Variants in DSC3 observed in about 807,000 individuals in gnomAD.
The protein encoded by DSC3 is desmocollin-3.
In DSC3, 97 loss-of-function variants were observed where a neutral mutation model predicts 89.5. The observed-to-expected ratio is 1.08, with a 90% CI of 0.92 to 1.28. The LOEUF is 1.28. Among genes scored for constraint, DSC3 ranks in the 50% most tolerant of loss-of-function variants. The pLI is 0.00. For synonymous variants in DSC3, 436 were observed against 384.1 expected (o/e 1.14, Z -1.58); for missense variants, 1,199 against 1,085.3 (o/e 1.10, Z -1.47).
At chr18:31,007,428 T>C (rs1009533982) in intron 11 of DSC3, among the ~76,000 whole-genome samples, 2 of 152,276 alleles carry the variant, frequency 1.3e-5, no homozygotes, top group Middle Eastern at 3.4e-3. Flanking sequence ...AGGTGCCACA[T>C]GTTAGTAAGC....
chr18:31,013,975 T>C (rs1985153360), intron 9 of DSC3, among the ~76,000 whole-genome samples: 1 of 152,162 alleles, frequency 6.6e-6, no homozygotes, highest in Non-Finnish European at 1.5e-5. Flanking sequence ...TCCATTGATA[T>C]GGCCTAAATT....
At chr18:31,004,435 C>T (rs902246847) in intron 12 of DSC3, 69 bp from the exon 13 acceptor site, 3 of 1,450,104 alleles carry the variant, frequency 2.1e-6, no homozygotes, top group African/African-American at 1.4e-5. Context: ...TGTTTCATCA[C>T]GCTTGTTTTT....
At chr18:31,040,574 G>A (rs1287377469) in intron 1 of DSC3, among the ~76,000 whole-genome samples, 1 of 152,098 alleles carries the variant, frequency 6.6e-6, no homozygotes, top group African/African-American at 2.4e-5. Context: ...ACGGTGGGAA[G>A]GAGATACAGG....
At chr18:31,029,106 A>G (rs115237731) in intron 4 of DSC3, among the ~76,000 whole-genome samples, 1,831 of 152,258 alleles carry the variant, frequency 0.012, 37 homozygotes, top group African/African-American at 0.042. Flanking sequence ...AAATCACCCA[A>G]CATCTCTATA....
chr18:31,021,069 A>G (rs1252402707), intron 7 of DSC3, among the ~76,000 whole-genome samples: 1 of 138,740 alleles, frequency 7.2e-6, no homozygotes, highest in South Asian at 2.4e-4. Context: ...TTTTTTTTTT[A>G]TCTCCCATCA....
At chr18:31,020,803 C>T (rs1346397119) in intron 7 of DSC3, among the ~76,000 whole-genome samples, 1 of 151,976 alleles carries the variant, frequency 6.6e-6, no homozygotes, top group Non-Finnish European at 1.5e-5. Context: ...ATCAGCCAAG[C>T]ATGGTGGTGT....
intron 9 of DSC3, 49 bp downstream of exon 9, chr18:31,018,022 T>A (rs983227444): frequency 8.1e-6 from 12 of 1,482,590 alleles, no homozygotes; most frequent in Non-Finnish European, 1.1e-5. Flanking sequence ...AATTATTAGG[T>A]AACTAAAACC....
chr18:31,020,979 A>G (rs1985399248), intron 7 of DSC3, among the ~76,000 whole-genome samples: 1 of 152,026 alleles, frequency 6.6e-6, no homozygotes, highest in Admixed American at 6.6e-5. Context: ...AAGTAAACCA[A>G]TATTCCCACC....
intron 9 of DSC3, among the ~76,000 whole-genome samples, chr18:31,013,344 T>A (rs909128304): frequency 3.1e-5 from 4 of 129,136 alleles, no homozygotes; most frequent in African/African-American, 1.2e-4. Context: ...GGATAGATAA[T>A]TAAACAATAA....
At chr18:31,013,320 T>C (rs1004150779) in intron 9 of DSC3, among the ~76,000 whole-genome samples, 4 of 134,770 alleles carry the variant, frequency 3.0e-5, no homozygotes, top group African/African-American at 1.2e-4. Context: ...TTCATACAGA[T>C]CAAAAATTTA....
At chr18:31,023,910 T>G (rs1598546084) in intron 6 of DSC3, among the ~76,000 whole-genome samples, 1 of 151,972 alleles carries the variant, frequency 6.6e-6, no homozygotes, top group Admixed American at 6.6e-5. Context: ...ATAATATAAA[T>G]AGGAGCATAA....
chr18:31,004,732 C>T (rs1042037542), intron 12 of DSC3, among the ~76,000 whole-genome samples: 1 of 110,576 alleles, frequency 9.0e-6, no homozygotes. Flanking sequence ...CTGAAGTTTA[C>T]GTTTCTTATC....
chr18:30,999,498 C>T (rs999488354), intron 14 of DSC3, among the ~76,000 whole-genome samples: 2 of 150,692 alleles, frequency 1.3e-5, no homozygotes, highest in African/African-American at 2.4e-5. Flanking sequence ...GGTATAATTT[C>T]GTTGTAATAA....
At chr18:31,038,683 A>G (rs975504276) in intron 1 of DSC3, among the ~76,000 whole-genome samples, 17 of 152,122 alleles carry the variant, frequency 1.1e-4, no homozygotes, top group African/African-American at 4.1e-4. Flanking sequence ...TCTTCATAAA[A>G]TATATTATAA....
Position 31,024,421 on chromosome 18 carries a change from C to T in DSC3, c.703G>A (p.Asp235Asn). The change falls in exon 6 of 16, where the codon GAT (aspartate) becomes AAT (asparagine). Residue 235 changes from aspartate to asparagine, a missense_variant. Physicochemically the swap from Asp to Asn is conservative, Grantham distance 23. Transcript: ENST00000360428. ...AAAACAGGGTGGTTGTCATTTTCAT[C>T]CTCTACCCTGATGGGTAGTGGGAGG... ...LPLPLPIRVE[D>N]ENDNHPVFTE... 6.2e-7 allele frequency: 1 copy of T among 1,611,498 alleles called. No individual in the cohort carries two copies. The highest frequency in any genetic ancestry group is 8.5e-7 in the Non-Finnish European group (1 of 1,178,372).
At position 31,018,657 on chromosome 18, in the gene DSC3, T is replaced by A. The variant is rs1166169324; in HGVS notation, c.1077+9A>T. The A allele has an allele frequency of 6.2e-7, 1 of 1,611,978 alleles. No homozygotes were observed. ...AAGACAGAGGCAGATTTTGATATTA[T>A]ATACTTACAGCATTTTGTCTGAAAG... On this transcript the variant is annotated intron_variant, in intron 8 of 15. Transcript: ENST00000360428.
chr18:31,031,717 A>T (rs1225616937), intron 2 of DSC3, among the ~76,000 whole-genome samples: 2 of 152,168 alleles, frequency 1.3e-5, no homozygotes, highest in Non-Finnish European at 2.9e-5. Flanking sequence ...TGTGTGTTCC[A>T]AGCTTTCCAA....
At chr18:31,022,044 T>G (rs1427703066) in intron 7 of DSC3, among the ~76,000 whole-genome samples, 1 of 152,022 alleles carries the variant, frequency 6.6e-6, no homozygotes, top group Non-Finnish European at 1.5e-5. Context: ...AATTGAAACC[T>G]TTGCTGAACT....
In DSC3 at chr18:30,996,004, A is replaced by AG. The variant is rs1555631977; in HGVS notation, c.2493+786dup. Among the ~76,000 whole-genome samples, 521 of 143,712 alleles carry AG rather than the reference A, an allele frequency of 3.6e-3. 22 individuals carry two copies. Among genetic ancestry groups the AG allele is most frequent in the African/African-American group, 0.014 (497 of 35,464 alleles). The allele number at this position is 143,712 out of a possible 152,430, so 94.3% of individuals were successfully genotyped here. A position where few individuals can be genotyped will look rare whatever the true frequency, so the allele number is the denominator to read the frequency against. On this transcript the variant is annotated intron_variant, in intron 15 of 15. Coordinates refer to ENST00000360428, the MANE Select transcript of DSC3 (RefSeq NM_001941.5). ...AAAAAAAAAAAAAAAAAAAAAGAAA[A>AG]GAAAGAAAAAAGCTTCTGCTTCATA...
Sources: allele counts gnomAD v4.1 joint callset (sites outside exome capture counted in the v4.1 genomes callset), GRCh38; gene constraint gnomAD v4.1.1; transcripts MANE v1.5; gene names NCBI Gene and HGNC (gene_info 2026-07-23, HGNC 2026-07-21).